Variants in PRKCQ observed in about 807,000 individuals in gnomAD.
PRKCQ encodes protein kinase C theta type.
PRKCQ carries 41 observed loss-of-function variants against 91.2 expected under a neutral mutation model. The ratio of observed to expected loss-of-function variants is 0.45; its 90% confidence interval spans 0.35 to 0.58. The LOEUF is 0.58. Among genes scored for constraint, PRKCQ ranks in the 20% least tolerant of loss-of-function variants. PRKCQ has a pLI of 0.00. For missense variants in PRKCQ, 673 were observed against 896.5 expected (o/e 0.75, Z 3.18); for synonymous variants, 307 against 316.9 (o/e 0.97, Z 0.33).
chr10:6,461,720 C>CA (rs1474817921), intron 14 of PRKCQ, among the ~76,000 whole-genome samples: 1 of 152,078 alleles, frequency 6.6e-6, no homozygotes, highest in Non-Finnish European at 1.5e-5. Flanking sequence ...TAGATCCTTT[C>CA]TTTTTTTTCC....
At chr10:6,486,384 C>G (rs911255184) in intron 8 of PRKCQ, among the ~76,000 whole-genome samples, 1 of 152,142 alleles carries the variant, frequency 6.6e-6, no homozygotes, top group Admixed American at 6.5e-5. Context: ...TGAAGACTAG[C>G]TAAAACAGGG....
chr10:6,514,117 AAC>A (rs1255555986), intron 2 of PRKCQ, among the ~76,000 whole-genome samples: 1 of 152,090 alleles, frequency 6.6e-6, no homozygotes. Context: ...TCTCTCCGTA[AAC>A]ACTTTTGTGT....
At chr10:6,483,632 C>A in intron 10 of PRKCQ, 32 bp from the exon 11 acceptor site, 1 of 1,612,102 alleles carries the variant, frequency 6.2e-7, no homozygotes, top group Non-Finnish European at 8.5e-7. Flanking sequence ...TAAAAATGAA[C>A]ATGGAGTAAT....
chr10:6,568,198 G>A (rs1377658282), intron 1 of PRKCQ, among the ~76,000 whole-genome samples: 1 of 152,034 alleles, frequency 6.6e-6, no homozygotes. Flanking sequence ...CTGGGTGACA[G>A]AGCGAGACTC....
At chr10:6,570,925 T>A (rs1841019035) in intron 1 of PRKCQ, among the ~76,000 whole-genome samples, 1 of 152,108 alleles carries the variant, frequency 6.6e-6, no homozygotes, top group Non-Finnish European at 1.5e-5. Flanking sequence ...AAGTGAGGCG[T>A]GCAGCCCTGT....
intron 15 of PRKCQ, among the ~76,000 whole-genome samples, chr10:6,456,461 A>C (rs1481441412): frequency 1.3e-5 from 2 of 152,214 alleles, no homozygotes; most frequent in Non-Finnish European, 2.9e-5. Context: ...CAAACTCTGC[A>C]AGCCTTGGAG....
chr10:6,537,247 A>T (rs779679549), intron 1 of PRKCQ, among the ~76,000 whole-genome samples: 1 of 152,224 alleles, frequency 6.6e-6, no homozygotes, highest in South Asian at 2.1e-4. Context: ...ACTGAAACCA[A>T]TAAGCCATTT....
chr10:6,524,713 G>GT (rs1839134554), intron 1 of PRKCQ, among the ~76,000 whole-genome samples: 1 of 152,222 alleles, frequency 6.6e-6, no homozygotes, highest in Non-Finnish European at 1.5e-5. Context: ...TCAGGGTGCT[G>GT]CCACCAGTAC....
At chr10:6,495,507 C>T (rs921169024) in intron 7 of PRKCQ, among the ~76,000 whole-genome samples, 11 of 152,336 alleles carry the variant, frequency 7.2e-5, no homozygotes, top group African/African-American at 2.2e-4. Flanking sequence ...GGGAGATTCC[C>T]GGACCACAGA....
chr10:6,576,581 A>G lies in PRKCQ; in HGVS notation c.-10+3630T>C, dbSNP rs561754517. On this transcript the variant is annotated intron_variant, in intron 1 of 17. Transcript: ENST00000263125. This position sits in a 1 kb window ranked among gnomAD's most constrained non-coding sequence, Gnocchi z 4.2. The stretch of plus-strand genomic sequence containing the variant: ...AGGAACGAATGTTCCACGAGGACAG[A>G]GTTTCAGTTTTAGGAGATGAGAAGA... Among the ~76,000 whole-genome samples the G allele has an allele frequency of 6.6e-6, 1 of 152,354 alleles. No individual in the cohort carries two copies. Among genetic ancestry groups the G allele is most frequent in the South Asian group, 2.1e-4 (1 of 4,830 alleles).
intron 2 of PRKCQ, among the ~76,000 whole-genome samples, chr10:6,512,833 CT>C (rs1838550579): frequency 6.6e-6 from 1 of 151,934 alleles, no homozygotes; most frequent in Non-Finnish European, 1.5e-5. Context: ...AACCATGAGA[CT>C]ACTAAACGTG....
chr10:6,510,109 G>C (rs1057365872), intron 3 of PRKCQ, among the ~76,000 whole-genome samples: 1 of 152,168 alleles, frequency 6.6e-6, no homozygotes, highest in Non-Finnish European at 1.5e-5. Flanking sequence ...AGAAAGTCAG[G>C]ATTCTCTCCT....
At chr10:6,550,803 G>T (rs1030372448) in intron 1 of PRKCQ, among the ~76,000 whole-genome samples, 1 of 152,186 alleles carries the variant, frequency 6.6e-6, no homozygotes, top group Non-Finnish European at 1.5e-5. Flanking sequence ...TCCCATAGCA[G>T]CTATACCATT....
At chr10:6,438,124 G>C (rs1833791935) in intron 16 of PRKCQ, among the ~76,000 whole-genome samples, 1 of 152,222 alleles carries the variant, frequency 6.6e-6, no homozygotes, top group South Asian at 2.1e-4. Flanking sequence ...AAGCTGAATG[G>C]AAGTGGCTCA....
intron 1 of PRKCQ, among the ~76,000 whole-genome samples, chr10:6,544,255 C>A (rs902460938): frequency 6.6e-6 from 1 of 152,164 alleles, no homozygotes; most frequent in Non-Finnish European, 1.5e-5. Context: ...TACCTGACAT[C>A]CATCCTGGAA....
downstream of PRKCQ, among the ~76,000 whole-genome samples, chr10:6,426,461 G>C (rs1188849469): frequency 6.6e-6 from 1 of 152,176 alleles, no homozygotes; most frequent in Non-Finnish European, 1.5e-5. Flanking sequence ...TTCATTTGGA[G>C]CAAGGGGAGG....
At chr10:6,535,972 GC>G (rs1286753621) in intron 1 of PRKCQ, among the ~76,000 whole-genome samples, 28 of 152,134 alleles carry the variant, frequency 1.8e-4, no homozygotes, top group Non-Finnish European at 4.1e-4. Context: ...TGGATCACAA[GC>G]CCTCTTCCTT....
intron 16 of PRKCQ, among the ~76,000 whole-genome samples, chr10:6,434,030 T>TTAAA (rs1554760535): frequency 8.6e-6 from 1 of 115,662 alleles, no homozygotes; most frequent in African/African-American, 3.5e-5. Flanking sequence ...CAAGACTCCT[T>TTAAA]AAAAAAAAAA....
At chr10:6,404,281 A>AGAGAGC in the PRKCQ span, among the ~76,000 whole-genome samples, 1 of 148,922 alleles carries the variant, frequency 6.7e-6, no homozygotes, top group Non-Finnish European at 1.5e-5. Flanking sequence ...AGAGAGAGAG[A>AGAGAGC]GAGAGATTGC....
Sources: gnomAD v4.1 joint callset for allele counts (sites outside exome capture counted in the v4.1 genomes callset) on GRCh38, gnomAD v4.1.1 for gene constraint, Gnocchi (gnomAD v3.1) non-coding constraint, MANE v1.5 for transcripts, NCBI Gene and HGNC (gene_info 2026-07-23, HGNC 2026-07-21) for gene names.